The following MAPK6 variants were observed in gnomAD, a reference collection of about 807,000 sequenced individuals.
MAPK6 encodes ERK-3.
MAPK6 carries 19 observed loss-of-function variants against 59.3 expected under a neutral mutation model. That is an observed-to-expected ratio of 0.32 (90% confidence interval 0.22 to 0.47). MAPK6 has a LOEUF of 0.47. MAPK6 is among the 20% of genes least tolerant of loss of function. MAPK6 has a pLI of 1.00. For synonymous variants in MAPK6, 316 were observed against 290.3 expected (o/e 1.09, Z -0.90); for missense variants, 724 against 847.9 (o/e 0.85, Z 1.81).
chr15:52,029,213 T>A (rs1391414101), intron 1 of MAPK6, among the ~76,000 whole-genome samples: 1 of 152,158 alleles, frequency 6.6e-6, no homozygotes, highest in African/African-American at 2.4e-5. Context: ...AATTTTTGTA[T>A]TTTTAGTAGA....
intron 4 of MAPK6, among the ~76,000 whole-genome samples, chr15:52,059,852 TTTC>T (rs1304777052): frequency 1.3e-5 from 2 of 152,224 alleles, no homozygotes; most frequent in Non-Finnish European, 2.9e-5. Flanking sequence ...TCCATACTAC[TTTC>T]TTCTTAACAG....
intron 1 of MAPK6, among the ~76,000 whole-genome samples, chr15:52,023,130 C>CAAAAAA (rs2030610246): frequency 9.1e-6 from 1 of 109,486 alleles, no homozygotes; most frequent in African/African-American, 2.9e-5. Flanking sequence ...AAAAAAAAAC[C>CAAAAAA]GAAAAACAAA....
chr15:52,013,800 A>T (rs541859693), intron 3 of MAPK6, among the ~76,000 whole-genome samples: 2 of 152,214 alleles, frequency 1.3e-5, no homozygotes, highest in Non-Finnish European at 2.9e-5. Flanking sequence ...CAGAAAAAAC[A>T]ATAGATTCTT....
intron 1 of MAPK6, among the ~76,000 whole-genome samples, chr15:51,976,284 A>G (rs1042743478): frequency 1.3e-4 from 20 of 151,194 alleles, no homozygotes; most frequent in South Asian, 4.2e-4. Context: ...AAAAAAAAAA[A>G]AAGAAGTTAA....
chr15:52,040,849 G>A (rs1441169846), intron 1 of MAPK6, among the ~76,000 whole-genome samples: 9 of 152,162 alleles, frequency 5.9e-5, no homozygotes, highest in African/African-American at 2.2e-4. Context: ...TTAATTCCAT[G>A]ACATGGTAGA....
chr15:52,000,571 G>T (rs1422648051), intron 2 of MAPK6, among the ~76,000 whole-genome samples: 1 of 152,170 alleles, frequency 6.6e-6, no homozygotes, highest in Non-Finnish European at 1.5e-5. Flanking sequence ...ACTTTGGGAG[G>T]CTGAGGCAGG....
intron 1 of MAPK6, among the ~76,000 whole-genome samples, chr15:52,037,845 C>T (rs2031294362): frequency 6.6e-6 from 1 of 152,130 alleles, no homozygotes; most frequent in Admixed American, 6.5e-5. Context: ...TTGATTCATT[C>T]AGTACATATT....
chr15:52,016,795 C>T (rs1247682600), upstream of MAPK6, among the ~76,000 whole-genome samples: 1 of 152,154 alleles, frequency 6.6e-6, no homozygotes, highest in East Asian at 1.9e-4. Context: ...CCTGTAATCC[C>T]AGCACTTTCG....
At chr15:52,018,791 T>G (rs2030356385), upstream of MAPK6, 1 of 152,438 alleles carries the variant, frequency 6.6e-6, no homozygotes, top group African/African-American at 2.4e-5. Flanking sequence ...GCAGAATGAA[T>G]GACCTTAGTA....
intron 2 of MAPK6, among the ~76,000 whole-genome samples, chr15:51,998,346 A>C (rs2057231600): frequency 6.6e-6 from 1 of 151,864 alleles, no homozygotes; most frequent in Non-Finnish European, 1.5e-5. Flanking sequence ...CTGGGATTAC[A>C]GGCGCCCACC....
intron 1 of MAPK6, among the ~76,000 whole-genome samples, chr15:52,045,119 CTATT>C (rs1274897411): frequency 1.3e-5 from 2 of 151,942 alleles, no homozygotes; most frequent in East Asian, 3.9e-4. Context: ...ATAGAGTACG[CTATT>C]TATTTATTCA....
In MAPK6 at chr15:52,067,016, A is replaced by G. The variant is rs1364480703; in HGVS notation, c.*2016A>G. On this transcript the variant is annotated 3_prime_UTR_variant, in exon 6 of 6. Coordinates refer to ENST00000261845, the MANE Select transcript of MAPK6 (RefSeq NM_002748.4). ...ACAGGATGTAAAGGAAGCAACGGGC[A>G]GCAGACATTGGTCCCTGATCCTCCA... The G allele has an allele frequency of 6.6e-6, 1 of 152,192 alleles. No individual in the cohort carries two copies. Among genetic ancestry groups the G allele is most frequent in the African/African-American group, 2.4e-5 (1 of 41,440 alleles). 9.4% of individuals were successfully genotyped at this position (152,192 alleles called of 1,614,324 possible).
At chr15:52,043,551 C>T (rs1050479676) in intron 1 of MAPK6, among the ~76,000 whole-genome samples, 1 of 151,876 alleles carries the variant, frequency 6.6e-6, no homozygotes, top group Non-Finnish European at 1.5e-5. Context: ...CCTGCCTTGG[C>T]CTCCCAAAGT....
intron 1 of MAPK6, among the ~76,000 whole-genome samples, chr15:52,026,294 T>G (rs1190920360): frequency 6.6e-6 from 1 of 152,084 alleles, no homozygotes; most frequent in Non-Finnish European, 1.5e-5. Flanking sequence ...TTTGTTTTGT[T>G]GTTGTCGTTG....
intron 2 of MAPK6, among the ~76,000 whole-genome samples, chr15:52,047,468 C>A (rs1367504867): frequency 6.6e-6 from 1 of 152,086 alleles, no homozygotes; most frequent in African/African-American, 2.4e-5. Flanking sequence ...ACCTCAGCCT[C>A]CCAAGTAGCT....
intron 3 of MAPK6, among the ~76,000 whole-genome samples, chr15:52,056,103 GT>G (rs1324269273): frequency 6.6e-6 from 1 of 152,170 alleles, no homozygotes; most frequent in African/African-American, 2.4e-5. Context: ...GCAACAAAAG[GT>G]AAGGACCAAG....
chr15:52,022,384 C>T (rs753250899), intron 1 of MAPK6, among the ~76,000 whole-genome samples: 4 of 152,098 alleles, frequency 2.6e-5, no homozygotes, highest in African/African-American at 9.7e-5. Flanking sequence ...CCTCAGCCTC[C>T]GGAGGAGCTG....
chr15:52,012,987 GAAAAAAAAAAAAAAAAAAA>G lies in MAPK6; in HGVS notation c.-632+8601_-632+8619del, dbSNP rs869196156. On this transcript the variant is annotated intron_variant, in intron 3 of 7. Transcript: ENST00000691380. ...GGGCGACAGAGTGAGACTCCGCCTGGAAAAAAAAAAAAAAAAAAAAAAAAAAAAAAAAAATATATATATA... is the reference window on the plus strand; with the variant it reads ...GGGCGACAGAGTGAGACTCCGCCTGGAAAAAAAAAAAAAAATATATATATA... 5.9e-3 allele frequency among the ~76,000 whole-genome samples: 156 copies of G among 26,514 alleles called. 1 individual carries two copies. The highest frequency in any genetic ancestry group is 9.2e-3 in the African/African-American group (67 of 7,282). The allele number at this position is 26,514 out of a possible 152,430, so 17.4% of individuals were successfully genotyped here. A position where few individuals can be genotyped will look rare whatever the true frequency, so the allele number is the denominator to read the frequency against.
chr15:51,985,868 G>C (rs947159259), intron 2 of MAPK6, among the ~76,000 whole-genome samples: 1 of 151,824 alleles, frequency 6.6e-6, no homozygotes, highest in African/African-American at 2.4e-5. Flanking sequence ...TGAGGCAGGC[G>C]AATAGCGTGA....
Sources: allele counts gnomAD v4.1 joint callset (sites outside exome capture counted in the v4.1 genomes callset), GRCh38; gene constraint gnomAD v4.1.1; transcripts MANE v1.5; gene names NCBI Gene and HGNC (gene_info 2026-07-23, HGNC 2026-07-21).